FCRL4: variants seen among roughly 807,000 people sequenced by gnomAD.
The protein encoded by FCRL4 is Fc receptor-like protein 4.
A neutral mutation model predicts 64.1 loss-of-function variants in FCRL4; 43 were observed. The observed-to-expected ratio is 0.67, with a 90% CI of 0.53 to 0.87. FCRL4 has a LOEUF of 0.87. FCRL4 is among the 40% of genes least tolerant of loss of function. FCRL4 has a pLI of 0.00. For missense variants in FCRL4, 656 were observed against 613.5 expected (o/e 1.07, Z -0.73); for synonymous variants, 253 against 239.8 (o/e 1.05, Z -0.51).
intron 6 of FCRL4, among the ~76,000 whole-genome samples, chr1:157,583,971 G>C (rs1001370108): frequency 6.6e-6 from 1 of 152,158 alleles, no homozygotes; most frequent in African/African-American, 2.4e-5. Context: ...CTGCTTTCCA[G>C]GGCTGTCATG....
In FCRL4 at chr1:157,574,646, G is replaced by A. The variant is rs1415461244; in HGVS notation, c.*878C>T. ...CTTTGAGAAGGGAATGGTATTTAGA[G>A]AATAAAACCTCTCTGCAAGGAGTGC... On this transcript the variant is annotated 3_prime_UTR_variant, in exon 12 of 12. Coordinates refer to ENST00000271532, the MANE Select transcript of FCRL4 (RefSeq NM_031282.3). 1 of 209,108 alleles carries A rather than the reference G, an allele frequency of 4.8e-6. No individual in the cohort carries two copies. Among genetic ancestry groups the A allele is most frequent in the Admixed American group, 5.9e-5 (1 of 16,990 alleles). 13.0% of individuals were successfully genotyped at this position (209,108 alleles called of 1,614,324 possible). A position where few individuals can be genotyped will look rare whatever the true frequency, so the allele number is the denominator to read the frequency against.
chr1:157,587,572 A>G lies in FCRL4; in HGVS notation c.563-12T>C. ...ATGTGGAAATAGTTCTAGAGAGAAGAGGTAAGTCAAGTTCTGAGCACGAGA... is the reference window on the plus strand; with the variant it reads ...ATGTGGAAATAGTTCTAGAGAGAAGGGGTAAGTCAAGTTCTGAGCACGAGA... On this transcript the variant is annotated splice_polypyrimidine_tract_variant and intron_variant, in intron 4 of 11. Coordinates refer to ENST00000271532, the MANE Select transcript of FCRL4 (RefSeq NM_031282.3). 5 of 1,610,882 alleles carry G rather than the reference A, an allele frequency of 3.1e-6. No homozygotes were observed.
At position 157,586,173 on chromosome 1, in the gene FCRL4, A is replaced by G. The variant is rs774753510; in HGVS notation, c.1130T>C (p.Val377Ala). Residue 377 changes from valine (V) to alanine (A), a missense_variant, in exon 6 of 12, where the codon GTG becomes GCG. Transcript: ENST00000271532. ...PVQSMVLNVT[V>A]RETPGNRDGL... Reference sequence around the variant, plus strand: ...CAATAGAGATTAAAACTCACCTCTCACAGTGACATTCAGCACCATGCTCTG... The same window carrying G: ...CAATAGAGATTAAAACTCACCTCTCGCAGTGACATTCAGCACCATGCTCTG... 2 of 1,604,210 alleles carry G rather than the reference A, an allele frequency of 1.2e-6. No individual in the cohort carries two copies. Among genetic ancestry groups the G allele is most frequent in the Admixed American group, 1.7e-5 (1 of 59,508 alleles).
At chr1:157,585,383 T>C (rs868599391) in intron 6 of FCRL4, among the ~76,000 whole-genome samples, 64 of 103,708 alleles carry the variant, frequency 6.2e-4, no homozygotes, top group Admixed American at 1.8e-3. Flanking sequence ...TCTTTCTTTC[T>C]TTCTTTCTTT....
At chr1:157,580,272 A>G (rs746882669) in intron 8 of FCRL4, 49 bp downstream of exon 8, 1 of 1,607,170 alleles carries the variant, frequency 6.2e-7, no homozygotes, top group Non-Finnish European at 8.5e-7. Context: ...AGTTTTGCAT[A>G]TTGTGTACTC....
At chr1:157,581,706 C>G in intron 6 of FCRL4, 62 bp from the exon 7 acceptor site, 1 of 1,354,824 alleles carries the variant, frequency 7.4e-7, no homozygotes, top group Non-Finnish European at 1.0e-6. Context: ...ATTGCCTTTT[C>G]CTCAGCTTGG....
Position 157,574,600 on chromosome 1 carries a change from C to T in FCRL4, c.*924G>A. ...TAGTAACTCAAAGACACAGTTCCTA[C>T]AAGAAAAGCAACCTTATTTCCTTTG... is the stretch of plus-strand genomic sequence containing the variant. On this transcript the variant is annotated 3_prime_UTR_variant, in exon 12 of 12. Transcript: ENST00000271532. 4.8e-6 allele frequency: 1 copy of T among 207,510 alleles called. No homozygotes were observed. The highest frequency in any genetic ancestry group is 9.8e-6 in the Non-Finnish European group (1 of 101,864). The allele number at this position is 207,510 out of a possible 1,614,324, so 12.9% of individuals were successfully genotyped here. A position where few individuals can be genotyped will look rare whatever the true frequency, so the allele number is the denominator to read the frequency against.
At chr1:157,588,835 C>T (rs768942387) in intron 3 of FCRL4, among the ~76,000 whole-genome samples, 3 of 152,152 alleles carry the variant, frequency 2.0e-5, no homozygotes, top group Non-Finnish European at 4.4e-5. Flanking sequence ...TGGAGATTTC[C>T]CACCTCTGAG....
At chr1:157,581,439 G>A in intron 7 of FCRL4, 92 bp downstream of exon 7, 2 of 964,022 alleles carry the variant, frequency 2.1e-6, no homozygotes, top group South Asian at 1.4e-5. Flanking sequence ...GGAGACTTGG[G>A]AGTGGTGGCC....
Position 157,585,344 on chromosome 1 carries a change from C to CTTTCTT in FCRL4, c.1135+823_1135+824insAAGAAA, listed in dbSNP as rs72007539. On this transcript the variant is annotated intron_variant, in intron 6 of 11. Coordinates refer to ENST00000271532, the MANE Select transcript of FCRL4 (RefSeq NM_031282.3). ...CTTCCTTCTCTCTTTCTTTCTCTCTCTCTTTCTTTCTTTCTTTCTTTCTTT... is the reference window on the plus strand; with the variant it reads ...CTTCCTTCTCTCTTTCTTTCTCTCTCTTTCTTTCTTTCTTTCTTTCTTTCTTTCTTT... 8.2e-3 allele frequency among the ~76,000 whole-genome samples: 663 copies of CTTTCTT among 81,256 alleles called. 15 individuals carry two copies. Among genetic ancestry groups the CTTTCTT allele is most frequent in the Non-Finnish European group, 0.011 (416 of 38,112 alleles). 53.3% of individuals were successfully genotyped at this position (81,256 alleles called of 152,430 possible).
intron 6 of FCRL4, among the ~76,000 whole-genome samples, chr1:157,583,177 G>A (rs1406545553): frequency 6.6e-6 from 1 of 152,178 alleles, no homozygotes; most frequent in African/African-American, 2.4e-5. Context: ...TGTTGTAAAT[G>A]AGTTAATACA....
intron 2 of FCRL4, among the ~76,000 whole-genome samples, chr1:157,591,344 G>A (rs558919041): frequency 6.6e-6 from 1 of 152,144 alleles, no homozygotes; most frequent in Non-Finnish European, 1.5e-5. Context: ...ATACCAGGTG[G>A]CCATATTTTG....
rs139989354 is a variant in FCRL4, at chr1:157,585,420, T to C, written c.1135+748A>G. On this transcript the variant is annotated intron_variant, in intron 6 of 11. Transcript: ENST00000271532. ...CTTCTTTCTTTCTTTCTTTCTTTCT[T>C]TCCTTTTTCAGAGAGACAGGAATAC... Among the ~76,000 whole-genome samples the C allele has an allele frequency of 7.4e-3, 1,092 of 147,664 alleles. 22 individuals carry two copies. Among genetic ancestry groups the C allele is most frequent in the African/African-American group, 0.025 (995 of 39,890 alleles).
intron 6 of FCRL4, among the ~76,000 whole-genome samples, chr1:157,585,254 T>C (rs111307864): frequency 6.8e-6 from 1 of 147,690 alleles, no homozygotes; most frequent in Non-Finnish European, 1.5e-5. Flanking sequence ...CTTTCCTTTC[T>C]TTCCTTTCTT....
chr1:157,590,385 C>G (rs1269650772), intron 2 of FCRL4, among the ~76,000 whole-genome samples: 1 of 152,100 alleles, frequency 6.6e-6, no homozygotes, highest in African/African-American at 2.4e-5. Flanking sequence ...TTTTGGATTT[C>G]AGATATTTGG....
intron 2 of FCRL4, among the ~76,000 whole-genome samples, chr1:157,590,536 T>A (rs1192956363): frequency 6.8e-6 from 1 of 147,018 alleles, no homozygotes; most frequent in Non-Finnish European, 1.5e-5. Flanking sequence ...TTTTTTTTTT[T>A]AGACAGAGTC....
chr1:157,578,742 G>A (rs1406531809), intron 9 of FCRL4, 28 bp downstream of exon 9: 2 of 1,607,600 alleles, frequency 1.2e-6, no homozygotes, highest in Non-Finnish European at 8.5e-7. Flanking sequence ...CTGAGGCCAG[G>A]AACAGCTTCC....
At chr1:157,593,520 C>T (rs545046294) in intron 2 of FCRL4, among the ~76,000 whole-genome samples, 1 of 152,254 alleles carries the variant, frequency 6.6e-6, no homozygotes, top group Admixed American at 6.5e-5. Flanking sequence ...CTGTCAGGCC[C>T]TCTTACTTGA....
chr1:157,576,497 TC>T (rs1284416660), intron 10 of FCRL4, among the ~76,000 whole-genome samples: 2 of 152,212 alleles, frequency 1.3e-5, no homozygotes, highest in East Asian at 3.8e-4. Context: ...TTCAGGGGCT[TC>T]ATGTAAACCT....
Sources: allele counts gnomAD v4.1 joint callset (sites outside exome capture counted in the v4.1 genomes callset), GRCh38; gene constraint gnomAD v4.1.1; transcripts MANE v1.5; gene names NCBI Gene and HGNC (gene_info 2026-07-23, HGNC 2026-07-21).